PTPRD: variants seen among roughly 807,000 people sequenced by gnomAD.
PTPRD encodes protein tyrosine phosphatase receptor type D.
PTPRD carries 34 observed loss-of-function variants against 214.5 expected under a neutral mutation model. The observed-to-expected ratio is 0.16, with a 90% CI of 0.12 to 0.21. The LOEUF (loss-of-function observed/expected upper bound fraction) is 0.21, where lower values mean the gene tolerates loss of function less well. PTPRD is among the 10% of genes least tolerant of loss of function. The probability of loss-of-function intolerance (pLI) is 1.00; values close to 1 mark genes in which losing one functional copy is unlikely to be tolerated. For missense variants in PTPRD, 2,545 were observed against 2,398.7 expected (o/e 1.06, Z -1.27); for synonymous variants, 1,128 against 845.7 (o/e 1.33, Z -5.79).
intron 11 of PTPRD, among the ~76,000 whole-genome samples, chr9:8,888,096 G>A (rs1428138924): frequency 6.6e-6 from 1 of 152,098 alleles, no homozygotes; most frequent in Non-Finnish European, 1.5e-5. Context: ...ATAATCAAGT[G>A]GTATTAGTTT....
At chr9:8,431,745 G>C (rs911024348) in intron 35 of PTPRD, among the ~76,000 whole-genome samples, 1 of 152,178 alleles carries the variant, frequency 6.6e-6, no homozygotes, top group African/African-American at 2.4e-5. Context: ...GGATACCACA[G>C]CTGACCTATT....
Position 9,815,750 on chromosome 9 carries a change from T to C in PTPRD, c.-367-48899A>G, listed in dbSNP as rs190744057. On this transcript the variant is annotated intron_variant, in intron 5 of 45. Transcript: ENST00000381196. ...GTTGATTTTAGCGGATGGAAGGAGG[T>C]AGGGGATGGGGCATGAGAGTATGTT... 6.2e-4 allele frequency among the ~76,000 whole-genome samples: 94 copies of C among 151,838 alleles called. 2 individuals carry two copies. The highest frequency in any genetic ancestry group is 2.2e-3 in the African/African-American group (89 of 41,362).
At chr9:8,608,197 C>A (rs2095310198) in intron 14 of PTPRD, among the ~76,000 whole-genome samples, 1 of 151,778 alleles carries the variant, frequency 6.6e-6, no homozygotes, top group Non-Finnish European at 1.5e-5. Flanking sequence ...TTACTGTTAC[C>A]CTATTAACCC....
intron 2 of PTPRD, among the ~76,000 whole-genome samples, chr9:10,402,985 C>T (rs1431073719): frequency 1.3e-5 from 2 of 151,214 alleles, no homozygotes; most frequent in Admixed American, 1.3e-4. Flanking sequence ...TTATTTAATT[C>T]TTAGAAACTA....
chr9:9,162,811 C>T (rs1475136768), intron 10 of PTPRD, among the ~76,000 whole-genome samples: 1 of 152,100 alleles, frequency 6.6e-6, no homozygotes, highest in Non-Finnish European at 1.5e-5. Flanking sequence ...TTCTTCAACT[C>T]ATTCAACATT....
chr9:8,492,109 T>C (rs1477791552), intron 27 of PTPRD, among the ~76,000 whole-genome samples: 1 of 152,232 alleles, frequency 6.6e-6, no homozygotes, highest in Non-Finnish European at 1.5e-5. Flanking sequence ...TTATACTATT[T>C]AGCCTTCTTG....
intron 3 of PTPRD, among the ~76,000 whole-genome samples, chr9:10,166,249 A>G (rs1450823034): frequency 6.7e-6 from 1 of 150,234 alleles, no homozygotes; most frequent in Non-Finnish European, 1.5e-5. Context: ...AATTGAAAAA[A>G]AAAAAAAACA....
chr9:9,713,948 GGTTACCCTC>G (rs1303909727), intron 7 of PTPRD, among the ~76,000 whole-genome samples: 1 of 151,952 alleles, frequency 6.6e-6, no homozygotes, highest in African/African-American at 2.4e-5. Context: ...CAGGAAGGTA[GGTTACCCTC>G]CTTACTTGTA....
At chr9:9,173,109 G>C (rs970179406) in intron 10 of PTPRD, among the ~76,000 whole-genome samples, 1 of 151,740 alleles carries the variant, frequency 6.6e-6, no homozygotes, top group African/African-American at 2.4e-5. Context: ...CTTGCTTTAG[G>C]TAAGCTCCCT....
chr9:9,317,106 G>A (rs946553360), intron 9 of PTPRD, among the ~76,000 whole-genome samples: 1 of 152,038 alleles, frequency 6.6e-6, no homozygotes, highest in African/African-American at 2.4e-5. Flanking sequence ...TATTTTCAAT[G>A]TTTTACTTTC....
chr9:9,961,767 A>G (rs2094382885), intron 4 of PTPRD, among the ~76,000 whole-genome samples: 1 of 152,108 alleles, frequency 6.6e-6, no homozygotes, highest in African/African-American at 2.4e-5. Context: ...AAACATGATG[A>G]TCAATTATAA....
intron 26 of PTPRD, 99 bp downstream of exon 26, chr9:8,497,143 C>T (rs2097293990): frequency 1.9e-6 from 2 of 1,062,324 alleles, no homozygotes; most frequent in East Asian, 2.7e-5. Flanking sequence ...TTCATGCATC[C>T]AAGCAAACTG....
rs569286662 is a variant in PTPRD, at chr9:9,112,530, C to T, written c.-143+70774G>A. The stretch of plus-strand genomic sequence containing the variant: ...AAATTCTCTTTCTTAGAAGTCAATG[C>T]TTGAAGGAGATTAGGACTATTTATA... On this transcript the variant is annotated intron_variant, in intron 10 of 45. Transcript: ENST00000381196. Among the ~76,000 whole-genome samples the T allele has an allele frequency of 5.9e-5, 9 of 152,224 alleles. No individual in the cohort carries two copies. In the East Asian group the frequency reaches 1.5e-3, roughly 26 times the overall value.
At chr9:9,522,453 C>G (rs1453625324) in intron 8 of PTPRD, among the ~76,000 whole-genome samples, 3 of 152,038 alleles carry the variant, frequency 2.0e-5, no homozygotes, top group African/African-American at 7.2e-5. Flanking sequence ...GTAAGTTCAG[C>G]TATAGTAAAA....
intron 7 of PTPRD, among the ~76,000 whole-genome samples, chr9:9,587,302 T>C (rs1318261350): frequency 6.6e-6 from 1 of 151,722 alleles, no homozygotes; most frequent in Non-Finnish European, 1.5e-5. Flanking sequence ...TGTTTTAGGG[T>C]TTTTAATACA....
At chr9:9,988,459 C>T (rs930028054) in intron 4 of PTPRD, among the ~76,000 whole-genome samples, 2 of 152,110 alleles carry the variant, frequency 1.3e-5, no homozygotes. Flanking sequence ...TTGAAGACAA[C>T]AGATGTTATT....
chr9:10,289,563 G>A (rs754979048), intron 3 of PTPRD, among the ~76,000 whole-genome samples: 8 of 152,072 alleles, frequency 5.3e-5, no homozygotes, highest in East Asian at 3.9e-4. Context: ...TTCCCCTACC[G>A]CCCCGCCATT....
chr9:8,335,493 C>T (rs972182482), intron 43 of PTPRD, among the ~76,000 whole-genome samples: 1 of 152,172 alleles, frequency 6.6e-6, no homozygotes, highest in Non-Finnish European at 1.5e-5. Context: ...GAACGTATCT[C>T]AAAATAAGAA....
In PTPRD at chr9:9,183,334, C is replaced by T. The variant is rs1188311588; in HGVS notation, c.-173G>A. 1 of 151,976 alleles carries T rather than the reference C, an allele frequency of 6.6e-6. No individual in the cohort carries two copies. Among genetic ancestry groups the T allele is most frequent in the African/African-American group, 2.4e-5 (1 of 41,418 alleles). 9.4% of individuals were successfully genotyped at this position (151,976 alleles called of 1,614,324 possible). A position where few individuals can be genotyped will look rare whatever the true frequency, so the allele number is the denominator to read the frequency against. On this transcript the variant is annotated 5_prime_UTR_variant, in exon 10 of 46. Transcript: ENST00000381196. The stretch of plus-strand genomic sequence containing the variant: ...GTTAGCCACCGTCGGTGTTTTCAGA[C>T]ACAGTCCCTGGCCTCAAGAAGTTCA...
Sources: allele counts gnomAD v4.1 joint callset (sites outside exome capture counted in the v4.1 genomes callset), GRCh38; gene constraint gnomAD v4.1.1; transcripts MANE v1.5; gene names NCBI Gene and HGNC (gene_info 2026-07-23, HGNC 2026-07-21).